The following ATP13A2 variants were observed in gnomAD, a reference collection of about 807,000 sequenced individuals.
ATP13A2 encodes ATPase cation transporting 13A2.
A neutral mutation model predicts 138.3 loss-of-function variants in ATP13A2; 83 were observed. The ratio of observed to expected loss-of-function variants is 0.60; its 90% CI spans 0.50 to 0.72. ATP13A2 has a LOEUF of 0.72. ATP13A2 is among the 30% of genes least tolerant of loss of function. The pLI, the probability that ATP13A2 is intolerant of heterozygous loss-of-function variation, is 0.00. For missense variants in ATP13A2, 1,402 were observed against 1,606.4 expected, an observed-to-expected ratio of 0.87 and a Z score of 2.17; for synonymous variants, 663 against 699.0, an observed-to-expected ratio of 0.95 and a Z score of 0.81.
chr1:17,008,957 C>CA (rs59927720), intron 1 of ATP13A2, among the ~76,000 whole-genome samples: 20,229 of 111,432 alleles, frequency 0.18, 1,692 homozygotes, highest in African/African-American at 0.23. Context: ...GAGCAAGACT[C>CA]AAAAAAAAAA....
chr1:17,003,177 C>G (rs907845272), intron 6 of ATP13A2, among the ~76,000 whole-genome samples: 1 of 152,182 alleles, frequency 6.6e-6, no homozygotes, highest in African/African-American at 2.4e-5. Flanking sequence ...GCTTCCATCC[C>G]TTCCCCAGCA....
chr1:16,996,601 G>C, intron 12 of ATP13A2, 105 bp from the exon 13 acceptor site: 1 of 910,732 alleles, frequency 1.1e-6, no homozygotes, highest in African/African-American at 1.6e-5. Context: ...AAGACATGAT[G>C]TTTGTGAAAT....
intron 1 of ATP13A2, among the ~76,000 whole-genome samples, chr1:17,009,796 G>T (rs1225478847): frequency 1.3e-5 from 2 of 152,148 alleles, no homozygotes; most frequent in Non-Finnish European, 2.9e-5. Context: ...GCAATCGTAT[G>T]ACTGTCACTT....
rs1235826776 is a variant in ATP13A2 at position 17,004,370 on chromosome 1, A to G, written c.519T>C (p.Tyr173=). Residue 173 remains tyrosine (Y), a synonymous_variant, in exon 6 of 29, where the codon TAT becomes TAC. Coordinates refer to ENST00000326735, the MANE Select transcript of ATP13A2 (RefSeq NM_022089.4). The surrounding 1 kb of genome is among the most constrained non-coding windows in gnomAD (Gnocchi z 4.1). ...AGGCTTGCTGGGTCTCGATCCAGAT[A>G]TAGCGCTGGCCCTGGAAGAGGTAAT... ...LRYYLFQGQR[Y]IWIETQQAFY... is the part of the protein sequence containing the mutation. 6 of 1,613,950 alleles carry G rather than the reference A, an allele frequency of 3.7e-6. No individual in the cohort carries two copies. In the East Asian group the frequency reaches 8.9e-5, roughly 24 times the overall value.
chr1:16,991,939 T>C (rs1160152069), intron 19 of ATP13A2, 70 bp downstream of exon 19: 5 of 1,611,274 alleles, frequency 3.1e-6, no homozygotes, highest in Admixed American at 1.7e-5. Flanking sequence ...GCATCTTCCT[T>C]GGGCTCTGCC....
At chr1:17,005,819 TCTC>T (rs1275137752) in intron 1 of ATP13A2, 41 bp from the exon 2 acceptor site, 5 of 1,547,140 alleles carry the variant, frequency 3.2e-6, no homozygotes, top group East Asian at 4.8e-5. Context: ...GGAGGCACCT[TCTC>T]CTCTTGCTTC....
At chr1:16,990,732 G>C (rs1348009157) in intron 20 of ATP13A2, among the ~76,000 whole-genome samples, 1 of 152,116 alleles carries the variant, frequency 6.6e-6, no homozygotes, top group Non-Finnish European at 1.5e-5. Context: ...ATGTTGGCCA[G>C]TCTGGTCTTG....
rs145455452 is a variant in ATP13A2, at chr1:16,988,375, G to C, written c.2709C>G (p.Val903=). ...ISLSQAEASV[V]SPFTSSMASI... The stretch of plus-strand genomic sequence containing the variant: ...TGGCCATGCTCGAGGTGAAGGGTGA[G>C]ACCACTGAGGCTTCTGCCTGGGACA... Residue 903 remains valine, a synonymous_variant, in exon 24 of 29, where the codon GTC becomes GTG. Transcript: ENST00000326735. 201 of 1,614,150 alleles carry C rather than the reference G, an allele frequency of 1.2e-4. 1 individual carries two copies. In the Middle Eastern group the frequency reaches 1.6e-3, roughly 13 times the overall value.
In ATP13A2 at chr1:16,996,169, C is replaced by T; in HGVS notation, c.1354-5G>A. ...TACAATCTCATTCAGAGGCACCTGG[C>T]AGGGGGCACCATGAATGTGAGCACC... On this transcript the variant is annotated splice_polypyrimidine_tract_variant and splice_region_variant and intron_variant, in intron 14 of 28. Coordinates refer to ENST00000326735, the MANE Select transcript of ATP13A2 (RefSeq NM_022089.4). 1.9e-6 allele frequency: 3 copies of T among 1,614,152 alleles called. No homozygotes were observed. The highest frequency in any genetic ancestry group is 2.7e-5 in the African/African-American group (2 of 75,064).
intron 12 of ATP13A2, 144 bp downstream of exon 12, chr1:16,996,876 G>C (rs1489966255): frequency 1.5e-5 from 16 of 1,053,202 alleles, no homozygotes; most frequent in Non-Finnish European, 2.1e-5. Flanking sequence ...CCAGATGGGG[G>C]GCAACTGGCC....
chr1:17,010,817 C>A (rs1357659060), intron 1 of ATP13A2, among the ~76,000 whole-genome samples: 1 of 152,138 alleles, frequency 6.6e-6, no homozygotes, highest in Non-Finnish European at 1.5e-5. Context: ...TTATTTCCTG[C>A]GGAAGCCTTG....
Position 17,004,931 on chromosome 1 carries a change from T to A in ATP13A2, c.347+83A>T, listed in dbSNP as rs2077494353. On this transcript the variant is annotated intron_variant, in intron 4 of 28. Coordinates refer to ENST00000326735, the MANE Select transcript of ATP13A2 (RefSeq NM_022089.4). This position sits in a 1 kb window ranked among gnomAD's most constrained non-coding sequence, Gnocchi z 4.1. ...AGGATGGGAGGCGCCAGAGTCAGCC[T>A]TTATGGGGGGGCCGAGGGTTGGGGA... The A allele has an allele frequency of 6.2e-7, 1 of 1,612,044 alleles. No individual in the cohort carries two copies.
intron 8 of ATP13A2, chr1:17,000,957 A>C: frequency 5.2e-6 from 1 of 193,120 alleles, no homozygotes; most frequent in Non-Finnish European, 1.1e-5. Context: ...AAATAAACAA[A>C]TAAATAAATA....
intron 25 of ATP13A2, 133 bp downstream of exon 25, chr1:16,988,005 C>G (rs2076795830): frequency 4.6e-6 from 4 of 868,990 alleles, no homozygotes; most frequent in Non-Finnish European, 7.6e-6. Context: ...TCCAACCACA[C>G]AGCCGGAGAG....
intron 11 of ATP13A2, among the ~76,000 whole-genome samples, chr1:16,999,694 G>A (rs2077275097): frequency 6.6e-6 from 1 of 152,132 alleles, no homozygotes; most frequent in South Asian, 2.1e-4. Flanking sequence ...CTGAGGTCAG[G>A]AGTTCAAGAC....
chr1:16,999,469 C>T (rs2077266425), intron 11 of ATP13A2, among the ~76,000 whole-genome samples: 1 of 150,756 alleles, frequency 6.6e-6, no homozygotes, highest in South Asian at 2.1e-4. Flanking sequence ...CGCTCCTAAG[C>T]ACTTTGCACA....
rs1350703022 is a variant in ATP13A2 at position 17,011,033 on chromosome 1, C to T, written c.10+696G>A. Among the ~76,000 whole-genome samples, 2 of 152,208 alleles carry T rather than the reference C, an allele frequency of 1.3e-5. No individual in the cohort carries two copies. Among genetic ancestry groups the T allele is most frequent in the East Asian group, 3.9e-4 (2 of 5,160 alleles). ...GGGGGGTGCACTCTAGGCTGTGGGG[C>T]TGGGGGCTGAGTGACAGACACTGAG... On this transcript the variant is annotated intron_variant, in intron 1 of 28. Transcript: ENST00000326735. This position sits in a 1 kb window ranked among gnomAD's most constrained non-coding sequence, Gnocchi z 7.3.
chr1:16,987,390 T>G, intron 25 of ATP13A2, 121 bp from the exon 26 acceptor site: 1 of 944,670 alleles, frequency 1.1e-6, no homozygotes, highest in Non-Finnish European at 1.7e-6. Flanking sequence ...TCCCCCAGTC[T>G]AATGGGGGCC....
Position 16,987,191 on chromosome 1 carries a change from G to A in ATP13A2, c.2938C>T (p.Arg980Cys), listed in dbSNP as rs1190389833. 11 of 1,613,724 alleles carry A rather than the reference G, an allele frequency of 6.8e-6. No homozygotes were observed. The highest frequency in any genetic ancestry group is 2.2e-5 in the East Asian group (1 of 44,880). ...CCCAGGACCAGCGCTGGCCCCGTGC[G>A]GCTCATGAGCACTGCCACTGTGGTG... ...ITTTVAVLMSRTGPALVLGRV... is the reference protein window; with the variant it reads ...ITTTVAVLMSCTGPALVLGRV... The change falls in exon 26 of 29, where the codon CGC becomes TGC. Residue 980 changes from arginine (R) to cysteine (C), a missense_variant. By Grantham distance (180) the Arg-to-Cys change is radical (BLOSUM62 -3). Coordinates refer to ENST00000326735, the MANE Select transcript of ATP13A2 (RefSeq NM_022089.4).
Sources: allele counts gnomAD v4.1 joint callset (sites outside exome capture counted in the v4.1 genomes callset), GRCh38; gene constraint gnomAD v4.1.1; non-coding constraint Gnocchi (gnomAD v3.1); transcripts MANE v1.5; gene names NCBI Gene and HGNC (gene_info 2026-07-23, HGNC 2026-07-21).